Variants in KHDRBS2 observed in about 807,000 individuals in gnomAD.
KHDRBS2 encodes the protein KH RNA binding domain containing, signal transduction associated 2.
A neutral mutation model predicts 44.3 loss-of-function variants in KHDRBS2; 26 were observed. The observed-to-expected ratio is 0.59, with a 90% CI of 0.43 to 0.81. KHDRBS2 has a LOEUF of 0.81. Ranked by LOEUF, KHDRBS2 falls within the 40% of genes least tolerant of loss-of-function variation. KHDRBS2 has a pLI of 0.00. For missense variants in KHDRBS2, 476 were observed against 433.1 expected (o/e 1.10, Z -0.88); for synonymous variants, 194 against 151.1 (o/e 1.28, Z -2.08).
At chr6:61,683,727 G>T (rs1766538734) in intron 8 of KHDRBS2, among the ~76,000 whole-genome samples, 1 of 151,794 alleles carries the variant, frequency 6.6e-6, no homozygotes, top group African/African-American at 2.4e-5. Context: ...TTATTAAAAA[G>T]TACAAAAGTA....
In KHDRBS2 at chr6:62,155,459, C is replaced by T. The variant is rs115905246; in HGVS notation, c.219+21726G>A. 4.3e-3 allele frequency among the ~76,000 whole-genome samples: 660 copies of T among 152,232 alleles called. 2 individuals are homozygous for T. Among genetic ancestry groups the T allele is most frequent in the Non-Finnish European group, 7.5e-3 (510 of 68,004 alleles). ...AAGATACAAGTTTAGGAGTCATTAG[C>T]AAATACATGGATCGGAAAATCATGG... On this transcript the variant is annotated intron_variant, in intron 2 of 8. Transcript: ENST00000281156.
the KHDRBS2 span, among the ~76,000 whole-genome samples, chr6:61,562,815 C>T: frequency 2.0e-5 from 3 of 152,132 alleles, no homozygotes; most frequent in African/African-American, 4.8e-5. Flanking sequence ...CAGATGGTTA[C>T]TCCAATTATG....
At chr6:61,697,409 C>T (rs1768025544) in intron 7 of KHDRBS2, among the ~76,000 whole-genome samples, 156 bp from the exon 8 acceptor site, 1 of 151,990 alleles carries the variant, frequency 6.6e-6, no homozygotes, top group Non-Finnish European at 1.5e-5. Flanking sequence ...GTAAGAAAAA[C>T]ACAGGTTATT....
intron 4 of KHDRBS2, among the ~76,000 whole-genome samples, chr6:61,955,315 C>CTTATACGTGT (rs1397046936): frequency 7.0e-6 from 1 of 143,072 alleles, no homozygotes; most frequent in Non-Finnish European, 1.5e-5. Context: ...TATATGTATA[C>CTTATACGTGT]ATATACGTGT....
chr6:61,873,845 A>G (rs577401424), intron 6 of KHDRBS2, among the ~76,000 whole-genome samples: 2 of 152,060 alleles, frequency 1.3e-5, no homozygotes, highest in Non-Finnish European at 2.9e-5. Flanking sequence ...AGATACATAT[A>G]TGCAATAAGA....
chr6:62,129,658 A>T (rs1344219984), intron 2 of KHDRBS2, among the ~76,000 whole-genome samples: 1 of 152,134 alleles, frequency 6.6e-6, no homozygotes, highest in Non-Finnish European at 1.5e-5. Flanking sequence ...GTCCAATAAG[A>T]TGGCCACTAC....
intron 4 of KHDRBS2, among the ~76,000 whole-genome samples, chr6:61,925,852 A>G (rs1309014617): frequency 6.6e-6 from 1 of 152,206 alleles, no homozygotes; most frequent in Non-Finnish European, 1.5e-5. Flanking sequence ...TGCAATAGTA[A>G]CAGATGGTTA....
intron 4 of KHDRBS2, among the ~76,000 whole-genome samples, chr6:61,961,031 C>T (rs193131903): frequency 8.5e-5 from 13 of 152,116 alleles, no homozygotes; most frequent in Admixed American, 7.2e-4. Flanking sequence ...TTCCCTGGCC[C>T]AGACTGAAGT....
At chr6:61,642,116 G>GA in the KHDRBS2 span, among the ~76,000 whole-genome samples, 1 of 152,048 alleles carries the variant, frequency 6.6e-6, no homozygotes, top group African/African-American at 2.4e-5. Context: ...AACTAAAACA[G>GA]AAAATAATCC....
chr6:61,635,373 T>C, the KHDRBS2 span, among the ~76,000 whole-genome samples: 1 of 152,102 alleles, frequency 6.6e-6, no homozygotes, highest in Non-Finnish European at 1.5e-5. Flanking sequence ...GTTGCTTCTT[T>C]TTCTCCCTAA....
intron 4 of KHDRBS2, among the ~76,000 whole-genome samples, chr6:61,971,760 G>A (rs1026056397): frequency 6.6e-6 from 1 of 152,038 alleles, no homozygotes; most frequent in African/African-American, 2.4e-5. Context: ...ATCACTTTCT[G>A]TTTGATCAGT....
chr6:61,837,333 T>TGGTTATCACACCAA (rs1792853356), intron 6 of KHDRBS2, among the ~76,000 whole-genome samples: 1 of 152,068 alleles, frequency 6.6e-6, no homozygotes, highest in South Asian at 2.1e-4. Context: ...TTTCTCCATC[T>TGGTTATCACACCAA]GTTATCACAC....
At chr6:61,649,992 A>G in the KHDRBS2 span, among the ~76,000 whole-genome samples, 1 of 152,112 alleles carries the variant, frequency 6.6e-6, no homozygotes, top group Admixed American at 6.6e-5. Context: ...AAAACCCTGC[A>G]TCTTCAGACC....
the KHDRBS2 span, among the ~76,000 whole-genome samples, chr6:61,569,112 G>A: frequency 1.3e-5 from 2 of 152,110 alleles, no homozygotes; most frequent in Non-Finnish European, 2.9e-5. Flanking sequence ...GGAGCTGGGT[G>A]AGGCCTCTCG....
At chr6:62,094,999 C>A (rs1800268577) in intron 2 of KHDRBS2, among the ~76,000 whole-genome samples, 1 of 151,884 alleles carries the variant, frequency 6.6e-6, no homozygotes, top group East Asian at 1.9e-4. Flanking sequence ...AGTGTGCTAC[C>A]ACCAGCTTTG....
chr6:62,007,317 G>C (rs920600424), intron 3 of KHDRBS2, among the ~76,000 whole-genome samples: 1 of 151,720 alleles, frequency 6.6e-6, no homozygotes, highest in Non-Finnish European at 1.5e-5. Flanking sequence ...TAAAGGTCCA[G>C]TTCTGAGGAC....
At chr6:61,926,762 T>C (rs927077369) in intron 4 of KHDRBS2, among the ~76,000 whole-genome samples, 4 of 152,144 alleles carry the variant, frequency 2.6e-5, no homozygotes, top group African/African-American at 7.2e-5. Flanking sequence ...ACAAGAGTTT[T>C]TGGTGTCATT....
At chr6:62,179,309 A>C (rs1821780687) in intron 1 of KHDRBS2, among the ~76,000 whole-genome samples, 1 of 151,696 alleles carries the variant, frequency 6.6e-6, no homozygotes, top group Non-Finnish European at 1.5e-5. Flanking sequence ...AATTGTTTGA[A>C]AATAAGTTAT....
intron 4 of KHDRBS2, among the ~76,000 whole-genome samples, chr6:61,916,646 C>T (rs1807057843): frequency 6.6e-6 from 1 of 151,896 alleles, no homozygotes. Flanking sequence ...TGATCAAGGA[C>T]TGTCATCCCA....
Sources: allele counts gnomAD v4.1 joint callset (sites outside exome capture counted in the v4.1 genomes callset), GRCh38; gene constraint gnomAD v4.1.1; transcripts MANE v1.5; gene names NCBI Gene and HGNC (gene_info 2026-07-23, HGNC 2026-07-21).